The following ANKH variants were observed in gnomAD, a reference collection of about 807,000 sequenced individuals.
ANKH encodes mineralization regulator ANKH.
A neutral mutation model predicts 49.0 loss-of-function variants in ANKH; 15 were observed. The ratio of observed to expected loss-of-function variants is 0.31; its 90% CI spans 0.20 to 0.47. The LOEUF (loss-of-function observed/expected upper bound fraction) is 0.47, where lower values mean the gene tolerates loss of function less well. ANKH is among the 20% of genes least tolerant of loss of function. ANKH has a pLI of 1.00. For synonymous variants in ANKH, 273 were observed against 260.0 expected (o/e 1.05, Z -0.48); for missense variants, 429 against 652.0 (o/e 0.66, Z 3.72).
chr5:14,733,354 AC>A, intron 8 of ANKH, among the ~76,000 whole-genome samples: 1 of 152,170 alleles, frequency 6.6e-6, no homozygotes, highest in African/African-American at 2.4e-5. Flanking sequence ...AGAGCTGGGG[AC>A]ACAGTAGTCA....
intron 2 of ANKH, among the ~76,000 whole-genome samples, chr5:14,765,874 A>G (rs1219359270): frequency 2.6e-5 from 4 of 152,240 alleles, no homozygotes. Context: ...CAATGTCCAC[A>G]TTTGAAATCC....
At position 14,706,115 on chromosome 5, in the gene ANKH, T is replaced by A. The variant is rs1736938019; in HGVS notation, c.*5082A>T. 6.6e-6 allele frequency: 1 copy of A among 152,196 alleles called. No individual in the cohort carries two copies. Among genetic ancestry groups the A allele is most frequent in the African/African-American group, 2.4e-5 (1 of 41,456 alleles). 9.4% of individuals were successfully genotyped at this position (152,196 alleles called of 1,614,324 possible). A position where few individuals can be genotyped will look rare whatever the true frequency, so the allele number is the denominator to read the frequency against. ...GGAGAGAGAAAGGGTGCCTAGTTCT[T>A]GTGTGCTTTTGTTTACATATACATA... On this transcript the variant is annotated 3_prime_UTR_variant, in exon 12 of 12. Coordinates refer to ENST00000284268, the MANE Select transcript of ANKH (RefSeq NM_054027.6).
intron 8 of ANKH, among the ~76,000 whole-genome samples, chr5:14,727,890 A>G (rs1412093686): frequency 1.3e-5 from 2 of 152,124 alleles, no homozygotes; most frequent in African/African-American, 4.8e-5. Flanking sequence ...AATCTTAAAA[A>G]CATTTGGAAC....
intron 1 of ANKH, among the ~76,000 whole-genome samples, chr5:14,790,514 T>C (rs952089504): frequency 3.5e-4 from 53 of 152,272 alleles, no homozygotes; most frequent in Admixed American, 1.3e-4. Flanking sequence ...TTAAAATATA[T>C]CTGGAGTGAG....
At chr5:14,731,650 A>G (rs1292629578) in intron 8 of ANKH, among the ~76,000 whole-genome samples, 1 of 152,228 alleles carries the variant, frequency 6.6e-6, no homozygotes, top group Non-Finnish European at 1.5e-5. Context: ...CTGTGGTGGA[A>G]AGAAAGCTTA....
intron 4 of ANKH, among the ~76,000 whole-genome samples, chr5:14,753,105 C>A (rs915349727): frequency 4.6e-5 from 7 of 151,930 alleles, no homozygotes; most frequent in Admixed American, 4.6e-4. Flanking sequence ...AGGAGGGACA[C>A]CTCCTCCCCT....
intron 1 of ANKH, among the ~76,000 whole-genome samples, chr5:14,796,488 A>C (rs80151065): frequency 4.0e-5 from 6 of 151,594 alleles, no homozygotes; most frequent in Non-Finnish European, 7.4e-5. Context: ...AAAAAAAAAA[A>C]AACACCATTT....
At chr5:14,751,043 G>A in intron 5 of ANKH, 26 bp downstream of exon 5, 1 of 1,612,532 alleles carries the variant, frequency 6.2e-7, no homozygotes, top group Non-Finnish European at 8.5e-7. Flanking sequence ...GTCTCAGACA[G>A]ACTGCTGTTG....
intron 1 of ANKH, among the ~76,000 whole-genome samples, chr5:14,810,077 T>G (rs1166498729): frequency 6.6e-6 from 1 of 151,988 alleles, no homozygotes; most frequent in African/African-American, 2.4e-5. Context: ...TCTGCGTTTC[T>G]CTACAGGAGG....
intron 1 of ANKH, among the ~76,000 whole-genome samples, chr5:14,822,618 T>C (rs1222351034): frequency 6.6e-6 from 1 of 152,214 alleles, no homozygotes; most frequent in African/African-American, 2.4e-5. Flanking sequence ...TCAGAAGCAA[T>C]GTTAACCACA....
Position 14,708,612 on chromosome 5 carries a change from C to T in ANKH, c.*2585G>A, listed in dbSNP as rs1737031312. On this transcript the variant is annotated 3_prime_UTR_variant, in exon 12 of 12. Coordinates refer to ENST00000284268, the MANE Select transcript of ANKH (RefSeq NM_054027.6). ...AGAAACGCAGGAGAATATGCCAGTT[C>T]TCAGTTTTGCCTCAAAGTTGTTAGG... 1 of 152,212 alleles carries T rather than the reference C, an allele frequency of 6.6e-6. No individual in the cohort carries two copies. Among genetic ancestry groups the T allele is most frequent in the African/African-American group, 2.4e-5 (1 of 41,416 alleles). 9.4% of individuals were successfully genotyped at this position (152,212 alleles called of 1,614,324 possible). A position where few individuals can be genotyped will look rare whatever the true frequency, so the allele number is the denominator to read the frequency against.
intron 1 of ANKH, among the ~76,000 whole-genome samples, chr5:14,842,236 G>C (rs959360362): frequency 6.6e-6 from 1 of 152,154 alleles, no homozygotes; most frequent in Non-Finnish European, 1.5e-5. Flanking sequence ...GGGGGGTGTG[G>C]TTTCTTACTT....
chr5:14,799,463 G>A (rs1740496590), intron 1 of ANKH, among the ~76,000 whole-genome samples: 1 of 152,194 alleles, frequency 6.6e-6, no homozygotes, highest in Non-Finnish European at 1.5e-5. Flanking sequence ...CTAGAAAAGA[G>A]AGGTAAATGT....
At chr5:14,867,591 C>T (rs1194804893) in intron 1 of ANKH, among the ~76,000 whole-genome samples, 2 of 151,056 alleles carry the variant, frequency 1.3e-5, no homozygotes, top group Non-Finnish European at 2.9e-5. Flanking sequence ...CTCGCTCTGT[C>T]GCCCAGGCCG....
intron 1 of ANKH, among the ~76,000 whole-genome samples, chr5:14,864,138 C>T (rs959363071): frequency 5.9e-5 from 9 of 152,136 alleles, no homozygotes; most frequent in Non-Finnish European, 8.8e-5. Flanking sequence ...GCTTTAGCCC[C>T]GGAATTTGAG....
At chr5:14,726,633 A>G (rs1315337028) in intron 8 of ANKH, among the ~76,000 whole-genome samples, 2 of 152,040 alleles carry the variant, frequency 1.3e-5, no homozygotes, top group Non-Finnish European at 2.9e-5. Flanking sequence ...CTGTCCCATG[A>G]GCTGGATGGG....
At chr5:14,741,996 G>T in intron 7 of ANKH, 74 bp from the exon 8 acceptor site, 2 of 1,145,054 alleles carry the variant, frequency 1.7e-6, no homozygotes, top group Non-Finnish European at 2.6e-6. Context: ...ATCTTGAAGA[G>T]CATCTTGCTT....
At position 14,745,855 on chromosome 5, in the gene ANKH, C is replaced by T. The variant is rs538439831; in HGVS notation, c.915+15G>A. On this transcript the variant is annotated intron_variant, in intron 7 of 11. Transcript: ENST00000284268. This position sits in a 1 kb window ranked among gnomAD's most constrained non-coding sequence, Gnocchi z 4.7. The stretch of plus-strand genomic sequence containing the variant: ...CAAAAGCATGTTTCAGACACGACAC[C>T]GCACGGGTTCTCACCTTGTCGAAAG... The T allele has an allele frequency of 3.2e-5, 51 of 1,613,160 alleles. No individual in the cohort carries two copies. Among genetic ancestry groups the T allele is most frequent in the East Asian group, 2.0e-4 (9 of 44,872 alleles).
At chr5:14,768,868 T>G (rs1321201657) in intron 2 of ANKH, 107 bp downstream of exon 2, 4 of 1,234,792 alleles carry the variant, frequency 3.2e-6, no homozygotes, top group South Asian at 1.2e-5. Context: ...AAGAAACATT[T>G]GATAATTAGT....
Sources: gnomAD v4.1 joint callset for allele counts (sites outside exome capture counted in the v4.1 genomes callset) on GRCh38, gnomAD v4.1.1 for gene constraint, Gnocchi (gnomAD v3.1) non-coding constraint, MANE v1.5 for transcripts, NCBI Gene and HGNC (gene_info 2026-07-23, HGNC 2026-07-21) for gene names.